Variants in CFAP99 observed in about 807,000 individuals in gnomAD.
CFAP99 encodes cilia- and flagella-associated protein 99.
Under a neutral mutation model 82.7 loss-of-function variants are expected in CFAP99, and 84 were observed. That is an observed-to-expected ratio of 1.02 (90% CI 0.85 to 1.22). The LOEUF (loss-of-function observed/expected upper bound fraction) is 1.22, where lower values mean the gene tolerates loss of function less well. Among genes scored for constraint, CFAP99 ranks in the 50% most tolerant of loss-of-function variants. The pLI, the probability that CFAP99 is intolerant of heterozygous loss-of-function variation, is 0.00. For missense variants in CFAP99, 1,059 were observed against 983.5 expected, an observed-to-expected ratio of 1.08 and a Z score of -1.03; for synonymous variants, 456 against 429.5, an observed-to-expected ratio of 1.06 and a Z score of -0.76.
chr4:2,432,236 A>G (rs569375284), intron 2 of CFAP99, among the ~76,000 whole-genome samples: 1 of 152,318 alleles, frequency 6.6e-6, no homozygotes, highest in East Asian at 1.9e-4. Context: ...GAGAGGAGAA[A>G]GGCAAACAGT....
intron 4 of CFAP99, among the ~76,000 whole-genome samples, chr4:2,441,496 C>T (rs754922683): frequency 6.6e-6 from 1 of 152,142 alleles, no homozygotes; most frequent in Non-Finnish European, 1.5e-5. Context: ...CAGCCCAGGA[C>T]AGAGTGCTCA....
chr4:2,454,594 G>GGTTTTTTTTTTTTTTTTTTTTTTGT (rs1560388808), intron 11 of CFAP99, among the ~76,000 whole-genome samples: 1 of 84,538 alleles, frequency 1.2e-5, no homozygotes, highest in Admixed American at 1.4e-4. Context: ...TTTTTTTTTT[G>GGTTTTTTTTTTTTTTTTTTTTTTGT]TTTTTTTTTT....
At chr4:2,436,457 G>A (rs1220539189) in intron 2 of CFAP99, among the ~76,000 whole-genome samples, 1 of 152,152 alleles carries the variant, frequency 6.6e-6, no homozygotes, top group Non-Finnish European at 1.5e-5. Context: ...CCGCTGTTGT[G>A]CATCCATCAC....
intron 4 of CFAP99, among the ~76,000 whole-genome samples, chr4:2,442,230 T>C (rs941752882): frequency 6.6e-6 from 1 of 151,626 alleles, no homozygotes; most frequent in Non-Finnish European, 1.5e-5. Flanking sequence ...GCACAAAAGG[T>C]CTGCTCCCAA....
At chr4:2,438,151 A>G in exon 4 of CFAP99, 1 of 1,535,184 alleles carries the variant, frequency 6.5e-7, no homozygotes, top group Non-Finnish European at 8.7e-7. Flanking sequence ...CAGCCCGTGG[A>G]TAAGATGTGC....
chr4:2,459,992 G>A (rs1436649640), intron 13 of CFAP99, 45 bp from the exon 14 acceptor site: 21 of 1,516,968 alleles, frequency 1.4e-5, no homozygotes, highest in Non-Finnish European at 1.8e-5. Context: ...AAGCATCGGG[G>A]CCCAGCACAG....
intron 11 of CFAP99, among the ~76,000 whole-genome samples, chr4:2,457,423 A>G (rs6841606): frequency 0.23 from 35,545 of 152,178 alleles, 4,288 homozygotes; most frequent in South Asian, 0.29. Context: ...GCGAGCAGCC[A>G]GTGCGAGCCA....
chr4:2,443,143 T>C, exon 5 of CFAP99: 1 of 1,532,378 alleles, frequency 6.5e-7, no homozygotes, highest in Non-Finnish European at 8.7e-7. Flanking sequence ...CTCAGGTTCT[T>C]CTTCAACCCC....
At chr4:2,452,439 G>A (rs983526847) in intron 11 of CFAP99, 93 bp downstream of exon 11, 27 of 1,320,470 alleles carry the variant, frequency 2.0e-5, no homozygotes, top group Non-Finnish European at 2.7e-5. Context: ...GTGGAGCTGA[G>A]TGTCCACAGC....
chr4:2,435,435 C>A (rs755865922), intron 2 of CFAP99, among the ~76,000 whole-genome samples: 41 of 151,868 alleles, frequency 2.7e-4, no homozygotes, highest in Admixed American at 8.5e-4. Context: ...TAAAAACTTA[C>A]AACAAATAAC....
chr4:2,455,932 T>G (rs1057246573), intron 11 of CFAP99, among the ~76,000 whole-genome samples: 3 of 152,364 alleles, frequency 2.0e-5, no homozygotes, highest in African/African-American at 4.8e-5. Context: ...TAACTTTTGT[T>G]TCTGCTTGAG....
intron 2 of CFAP99, among the ~76,000 whole-genome samples, chr4:2,430,405 G>A (rs1484479038): frequency 3.6e-5 from 1 of 27,980 alleles, no homozygotes. Flanking sequence ...TCCGGACAGC[G>A]GACTGCGGTG....
chr4:2,433,699 A>C (rs961539137), intron 2 of CFAP99, among the ~76,000 whole-genome samples: 3 of 152,192 alleles, frequency 2.0e-5, no homozygotes, highest in Non-Finnish European at 4.4e-5. Flanking sequence ...TAGCCAAGAA[A>C]GGGACAGTAA....
chr4:2,449,892 G>C (rs1373835706), intron 7 of CFAP99, 42 bp from the exon 8 acceptor site: 1 of 1,535,398 alleles, frequency 6.5e-7, no homozygotes, highest in East Asian at 2.4e-5. Context: ...AGGACACTGG[G>C]CAGAGGCTGG....
chr4:2,438,186 A>C (rs1733960157), intron 4 of CFAP99, 22 bp downstream of exon 4: 2 of 1,442,840 alleles, frequency 1.4e-6, no homozygotes, highest in African/African-American at 2.8e-5. Flanking sequence ...CTACCTGCCC[A>C]CCAGGCCACG....
At chr4:2,422,491 C>T (rs1347107149) in intron 1 of CFAP99, among the ~76,000 whole-genome samples, 1 of 152,176 alleles carries the variant, frequency 6.6e-6, no homozygotes, top group East Asian at 1.9e-4. Context: ...ATTTGCATCA[C>T]CAAAGGGTAC....
rs186912678 is a variant in CFAP99, at chr4:2,421,572, C to T, written c.-18+2479C>T. On this transcript the variant is annotated intron_variant, in intron 1 of 14. Coordinates refer to ENST00000635017, the Ensembl canonical transcript of CFAP99. Reference sequence around the variant, plus strand: ...TTTCACCATGTTGACTGGTCTGGAACTCCTGATCTCAAGTGATCTGCCCGC... The same window carrying T: ...TTTCACCATGTTGACTGGTCTGGAATTCCTGATCTCAAGTGATCTGCCCGC... 2.6e-5 allele frequency among the ~76,000 whole-genome samples: 4 copies of T among 152,182 alleles called. No homozygotes were observed. The East Asian group carries it at 7.7e-4, about 29-fold the overall frequency.
chr4:2,434,909 T>C (rs1733877269), intron 2 of CFAP99, among the ~76,000 whole-genome samples: 1 of 152,216 alleles, frequency 6.6e-6, no homozygotes, highest in African/African-American at 2.4e-5. Context: ...CAGATTGTTC[T>C]CATTCACATG....
chr4:2,440,054 C>A (rs1578471741), intron 4 of CFAP99, among the ~76,000 whole-genome samples: 1 of 151,320 alleles, frequency 6.6e-6, no homozygotes, highest in Non-Finnish European at 1.5e-5. Flanking sequence ...GTTGGCCAGG[C>A]TGGTCTCGAA....
Sources: allele counts gnomAD v4.1 joint callset (sites outside exome capture counted in the v4.1 genomes callset), GRCh38; gene constraint gnomAD v4.1.1; transcripts MANE v1.5; gene names NCBI Gene and HGNC (gene_info 2026-07-23, HGNC 2026-07-21).